SGCZ: variants seen among roughly 807,000 people sequenced by gnomAD.
The protein encoded by SGCZ is sarcoglycan zeta, also known as zeta-sarcoglycan.
A neutral mutation model predicts 41.3 loss-of-function variants in SGCZ; 40 were observed. The ratio of observed to expected loss-of-function variants is 0.97; its 90% CI spans 0.75 to 1.26. The LOEUF (loss-of-function observed/expected upper bound fraction) is 1.26. Among genes scored for constraint, SGCZ ranks in the 50% most tolerant of loss-of-function variants. The probability of loss-of-function intolerance (pLI) is 0.00; values close to 1 mark genes in which losing one functional copy is unlikely to be tolerated. For missense variants in SGCZ, 552 were observed against 369.8 expected (o/e 1.49, Z -4.04); for synonymous variants, 206 against 137.5 (o/e 1.50, Z -3.49).
intron 7 of SGCZ, among the ~76,000 whole-genome samples, chr8:14,092,721 T>C (rs1301281192): frequency 2.0e-5 from 3 of 152,086 alleles, no homozygotes; most frequent in African/African-American, 7.2e-5. Context: ...ATGCGCCTTT[T>C]GCCTTCTGCC....
At chr8:15,229,187 G>T (rs577885122) in intron 1 of SGCZ, among the ~76,000 whole-genome samples, 19 of 151,980 alleles carry the variant, frequency 1.3e-4, no homozygotes, top group Non-Finnish European at 2.1e-4. Context: ...GCAAGACTCC[G>T]TCTCAAAAAA....
chr8:15,170,392 C>A (rs538057377), intron 1 of SGCZ, among the ~76,000 whole-genome samples: 1 of 152,298 alleles, frequency 6.6e-6, no homozygotes, highest in African/African-American at 2.4e-5. Context: ...AGCACAATTT[C>A]CCAGCCTTGA....
At chr8:15,077,484 G>C (rs946845323) in intron 1 of SGCZ, among the ~76,000 whole-genome samples, 1 of 152,172 alleles carries the variant, frequency 6.6e-6, no homozygotes, top group Non-Finnish European at 1.5e-5. Flanking sequence ...GTAAAATTTA[G>C]TGTGTGTTCC....
intron 2 of SGCZ, among the ~76,000 whole-genome samples, chr8:14,523,289 CT>C (rs1802844428): frequency 6.6e-6 from 1 of 151,816 alleles, no homozygotes; most frequent in Non-Finnish European, 1.5e-5. Context: ...TTTCATTTCC[CT>C]TTTATTATTT....
At chr8:15,130,740 G>A in intron 1 of SGCZ, among the ~76,000 whole-genome samples, 1 of 152,152 alleles carries the variant, frequency 6.6e-6, no homozygotes, top group African/African-American at 2.4e-5. Context: ...AGCATTACAA[G>A]CAGTGATTCC....
intron 1 of SGCZ, among the ~76,000 whole-genome samples, chr8:15,229,789 T>A (rs1028536198): frequency 2.6e-5 from 4 of 152,232 alleles, no homozygotes; most frequent in Non-Finnish European, 4.4e-5. Flanking sequence ...ACAAAAATGT[T>A]CTCACTCATG....
intron 1 of SGCZ, among the ~76,000 whole-genome samples, chr8:14,953,645 TACTC>T (rs1800712185): frequency 6.6e-6 from 1 of 152,110 alleles, no homozygotes. Flanking sequence ...TTTCACCACT[TACTC>T]ACTATGCAGA....
intron 1 of SGCZ, among the ~76,000 whole-genome samples, chr8:14,771,280 G>T (rs1021470329): frequency 3.3e-5 from 5 of 152,028 alleles, no homozygotes; most frequent in African/African-American, 9.7e-5. Flanking sequence ...GAGAGGGAAA[G>T]AAATAAACAA....
chr8:14,102,610 C>G, intron 6 of SGCZ, 111 bp from the exon 7 acceptor site: 1 of 1,011,430 alleles, frequency 9.9e-7, no homozygotes, highest in Middle Eastern at 3.7e-4. Flanking sequence ...AAAACAACAA[C>G]CAGACAGACA....
At chr8:14,684,680 C>A (rs929006018) in intron 1 of SGCZ, among the ~76,000 whole-genome samples, 1 of 135,292 alleles carries the variant, frequency 7.4e-6, no homozygotes, top group African/African-American at 3.3e-5. Context: ...AGTTTCGACA[C>A]CTTTGTTTTT....
intron 1 of SGCZ, among the ~76,000 whole-genome samples, chr8:15,227,732 G>A (rs1258521404): frequency 1.3e-5 from 2 of 152,262 alleles, no homozygotes; most frequent in African/African-American, 2.4e-5. Context: ...GGATTTTGAT[G>A]GCATTGCACA....
intron 1 of SGCZ, among the ~76,000 whole-genome samples, chr8:14,770,208 A>C (rs907215081): frequency 2.6e-5 from 4 of 151,370 alleles, no homozygotes; most frequent in African/African-American, 9.7e-5. Flanking sequence ...AAGATTGTTT[A>C]AATACATCAC....
At chr8:14,669,212 G>T (rs1000052826) in intron 1 of SGCZ, among the ~76,000 whole-genome samples, 7 of 122,094 alleles carry the variant, frequency 5.7e-5, no homozygotes, top group African/African-American at 2.2e-4. Flanking sequence ...TATATATATA[G>T]CTGGGCATAG....
intron 1 of SGCZ, among the ~76,000 whole-genome samples, chr8:14,594,436 T>C (rs1243963482): frequency 2.6e-5 from 4 of 152,006 alleles, no homozygotes; most frequent in African/African-American, 7.2e-5. Context: ...AACTATGTAA[T>C]ACCTTAACTT....
At chr8:14,744,478 A>T (rs1382232437) in intron 1 of SGCZ, among the ~76,000 whole-genome samples, 4 of 152,012 alleles carry the variant, frequency 2.6e-5, no homozygotes, top group Non-Finnish European at 5.9e-5. Flanking sequence ...ATCAAAATTT[A>T]CCCTGGACCC....
At chr8:15,188,682 C>A (rs268351) in intron 1 of SGCZ, among the ~76,000 whole-genome samples, 137,379 of 152,230 alleles carry the variant, frequency 0.9, 61,993 homozygotes, top group African/African-American at 0.91. Context: ...GAAATAATTA[C>A]TGTTTTAAAG....
intron 1 of SGCZ, among the ~76,000 whole-genome samples, chr8:14,773,076 C>T (rs1800298870): frequency 6.6e-6 from 1 of 152,158 alleles, no homozygotes; most frequent in Non-Finnish European, 1.5e-5. Flanking sequence ...TCTCCACATC[C>T]TCTCCAGCAC....
chr8:15,060,564 A>G (rs1804887339), intron 1 of SGCZ, among the ~76,000 whole-genome samples: 1 of 151,402 alleles, frequency 6.6e-6, no homozygotes, highest in Non-Finnish European at 1.5e-5. Context: ...GATATACCTA[A>G]TTAATGTAAA....
intron 1 of SGCZ, among the ~76,000 whole-genome samples, chr8:15,035,715 G>T (rs1478013107): frequency 2.6e-5 from 4 of 151,918 alleles, no homozygotes; most frequent in African/African-American, 9.7e-5. Flanking sequence ...TAAAATTGAA[G>T]TCAAAACTGT....
Sources: gnomAD v4.1 joint callset for allele counts (sites outside exome capture counted in the v4.1 genomes callset) on GRCh38, gnomAD v4.1.1 for gene constraint, MANE v1.5 for transcripts, NCBI Gene and HGNC (gene_info 2026-07-23, HGNC 2026-07-21) for gene names.